The following CDC40 variants were observed in gnomAD, a reference collection of about 807,000 sequenced individuals.
The protein encoded by CDC40 is pre-mRNA-processing factor 17.
CDC40 carries 27 observed loss-of-function variants against 80.6 expected under a neutral mutation model. The observed-to-expected ratio is 0.33, with a 90% CI of 0.25 to 0.46. The LOEUF is 0.46. Ranked by LOEUF, CDC40 falls within the 20% of genes least tolerant of loss-of-function variation. The pLI is 1.00. For synonymous variants in CDC40, 221 were observed against 232.6 expected (o/e 0.95, Z 0.45); for missense variants, 486 against 694.1 (o/e 0.70, Z 3.37).
chr6:110,192,129 A>T (rs1398920654), intron 1 of CDC40, among the ~76,000 whole-genome samples: 4 of 152,210 alleles, frequency 2.6e-5, no homozygotes, highest in Admixed American at 2.6e-4. Flanking sequence ...TAGGAGTAGC[A>T]TAACCTGACT....
At position 110,215,266 on chromosome 6, in the gene CDC40, TTG is replaced by T; in HGVS notation, c.943-18_943-17del. 1 of 1,600,108 alleles carries T rather than the reference TTG, an allele frequency of 6.2e-7. No homozygotes were observed. The highest frequency in any genetic ancestry group is 1.4e-5 in the African/African-American group (1 of 70,022). ...TTATTAAATGTAATATTTCCATGTG[TTG>T]TTTTTTTTCTCCCCCAGCTATGGGA... is the stretch of plus-strand genomic sequence containing the variant. On this transcript the variant is annotated intron_variant, in intron 8 of 14. Coordinates refer to ENST00000307731, the MANE Select transcript of CDC40 (RefSeq NM_015891.3).
intron 1 of CDC40, among the ~76,000 whole-genome samples, chr6:110,191,962 G>C (rs1323560128): frequency 6.6e-6 from 1 of 152,184 alleles, no homozygotes; most frequent in Non-Finnish European, 1.5e-5. Context: ...AATCAAATAT[G>C]TTTTTAATAG....
At chr6:110,220,460 T>C (rs888268233) in intron 12 of CDC40, among the ~76,000 whole-genome samples, 1 of 147,154 alleles carries the variant, frequency 6.8e-6, no homozygotes, top group Non-Finnish European at 1.5e-5. Context: ...TTTTTTTTTT[T>C]TTTTTTTGAG....
intron 10 of CDC40, among the ~76,000 whole-genome samples, 156 bp downstream of exon 10, chr6:110,217,959 G>GA (rs1562206294): frequency 6.6e-6 from 1 of 152,174 alleles, no homozygotes; most frequent in East Asian, 1.9e-4. Context: ...TTTGTAAGTC[G>GA]AAACTGAGCA....
chr6:110,181,600 T>C (rs149540413), intron 1 of CDC40, among the ~76,000 whole-genome samples: 1 of 152,350 alleles, frequency 6.6e-6, no homozygotes, highest in East Asian at 1.9e-4. Context: ...CATGAAAGAA[T>C]GCTTAGAATC....
At chr6:110,200,024 A>ATTTT (rs959307537) in intron 2 of CDC40, among the ~76,000 whole-genome samples, 2 of 152,090 alleles carry the variant, frequency 1.3e-5, no homozygotes, top group Non-Finnish European at 2.9e-5. Flanking sequence ...AGCAATCTAG[A>ATTTT]TTTTTTTCCC....
intron 13 of CDC40, among the ~76,000 whole-genome samples, 177 bp from the exon 14 acceptor site, chr6:110,228,655 C>T (rs1207875132): frequency 6.6e-6 from 1 of 151,888 alleles, no homozygotes; most frequent in Admixed American, 6.6e-5. Context: ...TATATTAATA[C>T]CTCTTGCCAG....
At chr6:110,199,132 G>A (rs1374686262) in intron 2 of CDC40, 1 of 152,188 alleles carries the variant, frequency 6.6e-6, no homozygotes, top group Non-Finnish European at 1.5e-5. Context: ...AAATCTGTGT[G>A]AGACATAGGC....
chr6:110,230,483 A>T lies in CDC40; in HGVS notation c.*352A>T, dbSNP rs1469601036. 5.4e-6 allele frequency: 1 copy of T among 185,028 alleles called. No homozygotes were observed. 11.5% of individuals were successfully genotyped at this position (185,028 alleles called of 1,614,324 possible). Reference sequence around the variant, plus strand: ...GAGGAGGTGTTATAATTAATTATTCAGAAAAATGCATGTATTTACCTCTTC... The same window carrying T: ...GAGGAGGTGTTATAATTAATTATTCTGAAAAATGCATGTATTTACCTCTTC... On this transcript the variant is annotated 3_prime_UTR_variant, in exon 15 of 15. Coordinates refer to ENST00000307731, the MANE Select transcript of CDC40 (RefSeq NM_015891.3).
Position 110,228,943 on chromosome 6 carries a change from A to G in CDC40, c.1529A>G (p.Tyr510Cys). Reference protein sequence around the residue: ...KIFKGHMVAGYACQVDFSPDM... With the variant: ...KIFKGHMVAGCACQVDFSPDM... ...TTTAAGGGCCATATGGTAGCAGGCT[A>G]TGCTTGTCAGGTGGACTTTTCACCA... Residue 510 changes from tyrosine to cysteine, a missense_variant, in exon 14 of 15, where the codon TAT (tyrosine) becomes TGT (cysteine). Tyr to Cys is a radical substitution (Grantham distance 194, BLOSUM62 -2). Coordinates refer to ENST00000307731, the MANE Select transcript of CDC40 (RefSeq NM_015891.3). 3 of 1,607,432 alleles carry G rather than the reference A, an allele frequency of 1.9e-6. No homozygotes were observed. Among genetic ancestry groups the G allele is most frequent in the Non-Finnish European group, 2.5e-6 (3 of 1,177,924 alleles).
chr6:110,210,118 A>T (rs1777616407), intron 5 of CDC40, among the ~76,000 whole-genome samples: 1 of 152,130 alleles, frequency 6.6e-6, no homozygotes, highest in Non-Finnish European at 1.5e-5. Context: ...TTGTATAACT[A>T]GTATAACATG....
intron 12 of CDC40, 145 bp from the exon 13 acceptor site, chr6:110,226,022 C>T: frequency 1.7e-6 from 1 of 584,298 alleles, no homozygotes; most frequent in South Asian, 2.3e-5. Flanking sequence ...GATTTTTCTT[C>T]TTCCAGAAAG....
At position 110,226,248 on chromosome 6, in the gene CDC40, G is replaced by C. The variant is rs770637508; in HGVS notation, c.1417+5G>C. 1.3e-6 allele frequency: 2 copies of C among 1,550,836 alleles called. No individual in the cohort carries two copies. The highest frequency in any genetic ancestry group is 8.9e-7 in the Non-Finnish European group (1 of 1,123,990). On this transcript the variant is annotated splice_donor_5th_base_variant and intron_variant, in intron 13 of 14. Coordinates refer to ENST00000307731, the MANE Select transcript of CDC40 (RefSeq NM_015891.3). ...CAGTGACTTTGTCTCCAAATGGTGA[G>C]TTAGTATGTAGATTGTATTTTTAAA...
chr6:110,186,200 T>A (rs1777267857), intron 1 of CDC40, among the ~76,000 whole-genome samples: 1 of 152,178 alleles, frequency 6.6e-6, no homozygotes, highest in South Asian at 2.1e-4. Context: ...TGTCCTTTAG[T>A]GAGGATTGAC....
intron 1 of CDC40, among the ~76,000 whole-genome samples, chr6:110,181,322 G>A (rs1471877908): frequency 2.0e-5 from 3 of 152,196 alleles, no homozygotes; most frequent in African/African-American, 7.2e-5. Flanking sequence ...GAGGTGACAG[G>A]CAAGCCTGAG....
At chr6:110,222,566 A>G (rs1433802301) in intron 12 of CDC40, among the ~76,000 whole-genome samples, 2 of 152,170 alleles carry the variant, frequency 1.3e-5, no homozygotes, top group Non-Finnish European at 2.9e-5. Context: ...CAAAAACAAA[A>G]AAAACAAACA....
chr6:110,196,567 C>T (rs997131023), intron 2 of CDC40, among the ~76,000 whole-genome samples: 1 of 151,916 alleles, frequency 6.6e-6, no homozygotes, highest in African/African-American at 2.4e-5. Context: ...AGTAGTACTT[C>T]AGAATAGAAA....
intron 2 of CDC40, among the ~76,000 whole-genome samples, 154 bp from the exon 3 acceptor site, chr6:110,201,404 C>A (rs1315712197): frequency 6.6e-6 from 1 of 152,172 alleles, no homozygotes; most frequent in African/African-American, 2.4e-5. Context: ...TCAGCCATTG[C>A]CCAGCTGCAC....
intron 9 of CDC40, among the ~76,000 whole-genome samples, chr6:110,216,877 A>T (rs775442663): frequency 6.6e-6 from 1 of 152,184 alleles, no homozygotes; most frequent in Non-Finnish European, 1.5e-5. Context: ...AAATTAGTGT[A>T]TTATCAAAAT....
Sources: allele counts gnomAD v4.1 joint callset (sites outside exome capture counted in the v4.1 genomes callset), GRCh38; gene constraint gnomAD v4.1.1; transcripts MANE v1.5; gene names NCBI Gene and HGNC (gene_info 2026-07-23, HGNC 2026-07-21).